KCNQ1: variants seen among roughly 807,000 people sequenced by gnomAD.
KCNQ1 encodes potassium voltage-gated channel subfamily Q member 1, also known as potassium voltage-gated channel subfamily KQT member 1.
A neutral mutation model predicts 72.4 loss-of-function variants in KCNQ1; 49 were observed. The ratio of observed to expected loss-of-function variants is 0.68; its 90% CI spans 0.54 to 0.86. The LOEUF (loss-of-function observed/expected upper bound fraction) is 0.86, where lower values mean the gene tolerates loss of function less well. Among genes scored for constraint, KCNQ1 ranks in the 40% least tolerant of loss-of-function variants. KCNQ1 has a pLI of 0.00. For missense variants in KCNQ1, 790 were observed against 945.1 expected, an observed-to-expected ratio of 0.84 and a Z score of 2.15; for synonymous variants, 450 against 412.6, an observed-to-expected ratio of 1.09 and a Z score of -1.10.
rs1848400555 is a variant in KCNQ1 at position 2,848,923 on chromosome 11, A to C, written c.*920A>C. On this transcript the variant is annotated 3_prime_UTR_variant, in exon 16 of 16. Coordinates refer to ENST00000155840, the MANE Select transcript of KCNQ1 (RefSeq NM_000218.3). ...TTGTGGTGATTTGGATCTGTGTTTT[A>C]ATGAGTTTCACAGTGTGATTTTGAT... The C allele has an allele frequency of 2.2e-6, 1 of 454,132 alleles. No individual in the cohort carries two copies. Among genetic ancestry groups the C allele is most frequent in the Non-Finnish European group, 4.4e-6 (1 of 226,786 alleles). 28.1% of individuals were successfully genotyped at this position (454,132 alleles called of 1,614,324 possible).
In KCNQ1 at chr11:2,654,978, T is replaced by C. The variant is rs1188446226; in HGVS notation, c.1394-6983T>C. Reference sequence around the variant, plus strand: ...TGTTTCTTGACTTGGAAAAGTATCATGCAAAATAGAAAACACAGACACAAT... The same window carrying C: ...TGTTTCTTGACTTGGAAAAGTATCACGCAAAATAGAAAACACAGACACAAT... On this transcript the variant is annotated intron_variant, in intron 10 of 15. Coordinates refer to ENST00000155840, the MANE Select transcript of KCNQ1 (RefSeq NM_000218.3). The surrounding 1 kb of genome is among the most constrained non-coding windows in gnomAD (Gnocchi z 6.4). The C allele has an allele frequency of 2.5e-6, 1 of 398,558 alleles. No homozygotes were observed. Among genetic ancestry groups the C allele is most frequent in the Non-Finnish European group, 4.4e-6 (1 of 226,054 alleles). The allele number at this position is 398,558 out of a possible 1,614,324, so 24.7% of individuals were successfully genotyped here.
rs1380080033 is a variant in KCNQ1, at chr11:2,463,194, T to C, written c.386+17710T>C. Among the ~76,000 whole-genome samples, 3 of 152,158 alleles carry C rather than the reference T, an allele frequency of 2.0e-5. No individual in the cohort carries two copies. Among genetic ancestry groups the C allele is most frequent in the Non-Finnish European group, 4.4e-5 (3 of 68,014 alleles). Reference sequence around the variant, plus strand: ...CGTCCCTGGCTCAGCCTCTCCCGGCTGTGACCTTGGGGGACCATTGACTTT... The same window carrying C: ...CGTCCCTGGCTCAGCCTCTCCCGGCCGTGACCTTGGGGGACCATTGACTTT... On this transcript the variant is annotated intron_variant, in intron 1 of 15. Transcript: ENST00000155840. This position sits in a 1 kb window ranked among gnomAD's most constrained non-coding sequence, Gnocchi z 7.0.
At position 2,488,485 on chromosome 11, in the gene KCNQ1, C is replaced by G. The variant is rs182368735; in HGVS notation, c.387-39443C>G. Among the ~76,000 whole-genome samples the G allele has an allele frequency of 1.3e-5, 2 of 152,214 alleles. No individual in the cohort carries two copies. The highest frequency in any genetic ancestry group is 4.8e-5 in the African/African-American group (2 of 41,550). On this transcript the variant is annotated intron_variant, in intron 1 of 15. Coordinates refer to ENST00000155840, the MANE Select transcript of KCNQ1 (RefSeq NM_000218.3). This position sits in a 1 kb window ranked among gnomAD's most constrained non-coding sequence, Gnocchi z 5.1. The stretch of plus-strand genomic sequence containing the variant: ...CATTGGGGAAGCCATCAGGTCCAGG[C>G]TTTTCTTTGTTGAGAGTTTTTTGAT...
At chr11:2,743,689 G>A (rs78704061) in intron 11 of KCNQ1, among the ~76,000 whole-genome samples, 4,062 of 152,270 alleles carry the variant, frequency 0.027, 61 homozygotes, top group Middle Eastern at 0.061. Flanking sequence ...TCAGATTCAC[G>A]ACCTCCCAGC....
In KCNQ1 at chr11:2,691,983, C is replaced by T. The variant is rs1850595685; in HGVS notation, c.1514+29902C>T. ...TGCCTTTCTCTATGCAAACCATTTC[C>T]CTAAGCTGTTCCCTCAGCACCAAGG... On this transcript the variant is annotated intron_variant, in intron 11 of 15. Transcript: ENST00000155840. The surrounding 1 kb of genome is among the most constrained non-coding windows in gnomAD (Gnocchi z 6.4). 1 of 398,546 alleles carries T rather than the reference C, an allele frequency of 2.5e-6. No homozygotes were observed. Among genetic ancestry groups the T allele is most frequent in the Admixed American group, 4.4e-5 (1 of 22,720 alleles). The allele number at this position is 398,546 out of a possible 1,614,324, so 24.7% of individuals were successfully genotyped here.
rs1460969850 is a variant in KCNQ1, at chr11:2,849,052, CA to C, written c.*1050del. ...GGGCATCCATGGGGTCTCTCACAGA[CA>C]GGACCCCTGCAGTTCCCCTGGAAGC... On this transcript the variant is annotated 3_prime_UTR_variant, in exon 16 of 16. Transcript: ENST00000155840. 15 of 454,152 alleles carry C rather than the reference CA, an allele frequency of 3.3e-5. No individual in the cohort carries two copies. The East Asian group carries it at 8.3e-4, about 25-fold the overall frequency. 28.1% of individuals were successfully genotyped at this position (454,152 alleles called of 1,614,324 possible). A position where few individuals can be genotyped will look rare whatever the true frequency, so the allele number is the denominator to read the frequency against.
rs574834400 is a variant in KCNQ1, at chr11:2,691,644, G to A, written c.1514+29563G>A. The stretch of plus-strand genomic sequence containing the variant: ...GTACTGTGGGGAGGTCCTCTTTACC[G>A]CCACAGTTCCAAGGGTGAAACAGAG... On this transcript the variant is annotated intron_variant, in intron 11 of 15. Coordinates refer to ENST00000155840, the MANE Select transcript of KCNQ1 (RefSeq NM_000218.3). This position sits in a 1 kb window ranked among gnomAD's most constrained non-coding sequence, Gnocchi z 6.4. 3.3e-5 allele frequency: 13 copies of A among 398,476 alleles called. No homozygotes were observed. The highest frequency in any genetic ancestry group is 6.3e-4 in the Middle Eastern group (1 of 1,588). The allele number at this position is 398,476 out of a possible 1,614,324, so 24.7% of individuals were successfully genotyped here.
Position 2,653,274 on chromosome 11 carries a change from C to G in KCNQ1, c.1394-8687C>G, listed in dbSNP as rs1849785583. 1 of 398,740 alleles carries G rather than the reference C, an allele frequency of 2.5e-6. No individual in the cohort carries two copies. Among genetic ancestry groups the G allele is most frequent in the Non-Finnish European group, 4.4e-6 (1 of 226,136 alleles). 24.7% of individuals were successfully genotyped at this position (398,740 alleles called of 1,614,324 possible). ...TTCTCCCTGCCCTCTGCCCTGAAAA[C>G]TAGTGGGGGCAGTGCAGACCAGTTT... is the stretch of plus-strand genomic sequence containing the variant. On this transcript the variant is annotated intron_variant, in intron 10 of 15. Transcript: ENST00000155840. The surrounding 1 kb of genome is among the most constrained non-coding windows in gnomAD (Gnocchi z 5.3).
At chr11:2,522,282 G>A (rs888798215) in intron 1 of KCNQ1, among the ~76,000 whole-genome samples, 4 of 151,938 alleles carry the variant, frequency 2.6e-5, no homozygotes, top group Non-Finnish European at 4.4e-5. Flanking sequence ...GGGGGGGGTC[G>A]GTGTCTTCTC....
At chr11:2,581,455 G>T (rs1848497077) in intron 6 of KCNQ1, among the ~76,000 whole-genome samples, 1 of 152,206 alleles carries the variant, frequency 6.6e-6, no homozygotes, top group South Asian at 2.1e-4. Context: ...GTGGGTGCAG[G>T]CCCTCTGGGG....
In KCNQ1 at chr11:2,446,267, G is replaced by A. The variant is rs1846035364; in HGVS notation, c.386+783G>A. 6.6e-6 allele frequency among the ~76,000 whole-genome samples: 1 copy of A among 152,200 alleles called. No homozygotes were observed. Among genetic ancestry groups the A allele is most frequent in the African/African-American group, 2.4e-5 (1 of 41,462 alleles). ...GGAAGTCACCTCCGGGAAGGTCCAG[G>A]CTGCTCTCCTCCATGCCTGCCTGGG... On this transcript the variant is annotated intron_variant, in intron 1 of 15. Transcript: ENST00000155840. This position sits in a 1 kb window ranked among gnomAD's most constrained non-coding sequence, Gnocchi z 8.8.
Position 2,566,830 on chromosome 11 carries a change from C to G in KCNQ1, c.478-3798C>G, listed in dbSNP as rs1045201439. Reference sequence around the variant, plus strand: ...TGGGGCTGGATGATCCTGGGTGCCCCTCAGAGAAGGCCCTGGGGCTGGCCT... The same window carrying G: ...TGGGGCTGGATGATCCTGGGTGCCCGTCAGAGAAGGCCCTGGGGCTGGCCT... On this transcript the variant is annotated intron_variant, in intron 2 of 15. Coordinates refer to ENST00000155840, the MANE Select transcript of KCNQ1 (RefSeq NM_000218.3). This position sits in a 1 kb window ranked among gnomAD's most constrained non-coding sequence, Gnocchi z 6.7. Among the ~76,000 whole-genome samples the G allele has an allele frequency of 6.6e-6, 1 of 152,114 alleles. No individual in the cohort carries two copies.
In KCNQ1 at chr11:2,608,791, G is replaced by A. The variant is rs913594644; in HGVS notation, c.1393+19937G>A. 6 of 398,224 alleles carry A rather than the reference G, an allele frequency of 1.5e-5. No individual in the cohort carries two copies. Among genetic ancestry groups the A allele is most frequent in the African/African-American group, 4.1e-5 (2 of 48,540 alleles). The allele number at this position is 398,224 out of a possible 1,614,324, so 24.7% of individuals were successfully genotyped here. On this transcript the variant is annotated intron_variant, in intron 10 of 15. Coordinates refer to ENST00000155840, the MANE Select transcript of KCNQ1 (RefSeq NM_000218.3). This position sits in a 1 kb window ranked among gnomAD's most constrained non-coding sequence, Gnocchi z 4.6. The stretch of plus-strand genomic sequence containing the variant: ...GGTGTGAGCCACTGCAGCTAGCCTC[G>A]TTTTTTTGCTTTAATTTGTAAAACT...
At position 2,541,021 on chromosome 11, in the gene KCNQ1, G is replaced by A. The variant is rs1847814106; in HGVS notation, c.477+13003G>A. ...TGCACGGATGGGCGTGTGGACGTAT[G>A]CACACATAGGTACCCATGTGGACAC... On this transcript the variant is annotated intron_variant, in intron 2 of 15. Coordinates refer to ENST00000155840, the MANE Select transcript of KCNQ1 (RefSeq NM_000218.3). This position sits in a 1 kb window ranked among gnomAD's most constrained non-coding sequence, Gnocchi z 4.8. Among the ~76,000 whole-genome samples, 1 of 152,252 alleles carries A rather than the reference G, an allele frequency of 6.6e-6. No homozygotes were observed.
At chr11:2,449,361 C>A (rs745840322) in intron 1 of KCNQ1, among the ~76,000 whole-genome samples, 1 of 152,166 alleles carries the variant, frequency 6.6e-6, no homozygotes, top group Non-Finnish European at 1.5e-5. Flanking sequence ...TTGCATATAA[C>A]GTGCGGGCTG....
In KCNQ1 at chr11:2,662,477, G is replaced by C. The variant is rs1024471638; in HGVS notation, c.1514+396G>C. 5 of 467,458 alleles carry C rather than the reference G, an allele frequency of 1.1e-5. No individual in the cohort carries two copies. In the Admixed American group the frequency reaches 1.9e-4, roughly 17 times the overall value. 29.0% of individuals were successfully genotyped at this position (467,458 alleles called of 1,614,324 possible). A position where few individuals can be genotyped will look rare whatever the true frequency, so the allele number is the denominator to read the frequency against. Reference sequence around the variant, plus strand: ...ATGGGGCAGATGCCGGGTGCAGTCTGCCAGTTGCTGCTGCTGTCCTCAGGG... The same window carrying C: ...ATGGGGCAGATGCCGGGTGCAGTCTCCCAGTTGCTGCTGCTGTCCTCAGGG... On this transcript the variant is annotated intron_variant, in intron 11 of 15. Transcript: ENST00000155840.
chr11:2,754,827 C>T (rs892190141), intron 11 of KCNQ1, among the ~76,000 whole-genome samples: 1 of 152,156 alleles, frequency 6.6e-6, no homozygotes, highest in Non-Finnish European at 1.5e-5. Context: ...AAAGCATTGA[C>T]TGTGAAAGAA....
intron 11 of KCNQ1, among the ~76,000 whole-genome samples, chr11:2,701,439 C>T (rs1361674165): frequency 2.0e-5 from 3 of 152,182 alleles, no homozygotes; most frequent in Middle Eastern, 3.2e-3. Context: ...AGGGCGCAGT[C>T]CACCCTCACT....
Position 2,669,352 on chromosome 11 carries a change from A to G in KCNQ1, c.1514+7271A>G. 1 of 398,640 alleles carries G rather than the reference A, an allele frequency of 2.5e-6. No homozygotes were observed. The highest frequency in any genetic ancestry group is 6.3e-4 in the Middle Eastern group (1 of 1,588). The allele number at this position is 398,640 out of a possible 1,614,324, so 24.7% of individuals were successfully genotyped here. On this transcript the variant is annotated intron_variant, in intron 11 of 15. Transcript: ENST00000155840. This position sits in a 1 kb window ranked among gnomAD's most constrained non-coding sequence, Gnocchi z 5.6. ...TAGGCGCAGCAGCCTCTAGATGGGC[A>G]TGGGAGAATGGGTATCCTTATAGTT...
Sources: gnomAD v4.1 joint callset for allele counts (sites outside exome capture counted in the v4.1 genomes callset) on GRCh38, gnomAD v4.1.1 for gene constraint, Gnocchi (gnomAD v3.1) non-coding constraint, MANE v1.5 for transcripts, NCBI Gene and HGNC (gene_info 2026-07-23, HGNC 2026-07-21) for gene names.